The following SYN3 variants were observed in gnomAD, a reference collection of about 807,000 sequenced individuals.
SYN3 encodes synapsin-3.
Under a neutral mutation model 65.8 loss-of-function variants are expected in SYN3, and 35 were observed. The ratio of observed to expected loss-of-function variants is 0.53; its 90% CI spans 0.41 to 0.70. The LOEUF (loss-of-function observed/expected upper bound fraction) is 0.70. Ranked by LOEUF, SYN3 falls within the 30% of genes least tolerant of loss-of-function variation. SYN3 has a pLI of 0.00. For synonymous variants in SYN3, 270 were observed against 292.9 expected (o/e 0.92, Z 0.80); for missense variants, 680 against 749.0 (o/e 0.91, Z 1.08).
At chr22:32,920,152 G>A (rs901365306) in intron 4 of SYN3, among the ~76,000 whole-genome samples, 3 of 152,320 alleles carry the variant, frequency 2.0e-5, no homozygotes, top group East Asian at 1.9e-4. Flanking sequence ...ATTATCAGCC[G>A]CTGCGGTTTG....
rs374320208 is a variant in SYN3, at chr22:32,671,438, A to G, written c.712-74702T>C. On this transcript the variant is annotated intron_variant, in intron 6 of 13. Coordinates refer to ENST00000358763, the MANE Select transcript of SYN3 (RefSeq NM_003490.4). ...ATACATACTCACACATCCACCTAAAAACACACCCTCCCTCACACACACAGA... is the reference window on the plus strand; with the variant it reads ...ATACATACTCACACATCCACCTAAAGACACACCCTCCCTCACACACACAGA... Among the ~76,000 whole-genome samples the G allele has an allele frequency of 6.8e-4, 103 of 151,536 alleles. No homozygotes were observed. The East Asian group carries it at 0.017, about 25-fold the overall frequency.
intron 7 of SYN3, among the ~76,000 whole-genome samples, chr22:32,588,517 CAG>C (rs1195512712): frequency 6.6e-6 from 1 of 152,134 alleles, no homozygotes; most frequent in Admixed American, 6.5e-5. Flanking sequence ...ATCAACATAA[CAG>C]GGTATATTTG....
chr22:32,591,094 T>C lies in SYN3; in HGVS notation c.774+5580A>G, dbSNP rs1396511386. ...CATACAATTATTACTATGTTCATTT[T>C]ACATGAGAAGAAACTAAAGTGGACG... On this transcript the variant is annotated intron_variant, in intron 7 of 13. Transcript: ENST00000358763. 2.6e-5 allele frequency among the ~76,000 whole-genome samples: 4 copies of C among 152,326 alleles called. No individual in the cohort carries two copies. The East Asian group carries it at 5.8e-4, about 22-fold the overall frequency.
intron 1 of SYN3, among the ~76,000 whole-genome samples, chr22:33,042,755 C>G (rs538313604): frequency 6.6e-6 from 1 of 152,276 alleles, no homozygotes; most frequent in South Asian, 2.1e-4. Flanking sequence ...GGCAGCCAGT[C>G]ATCCTATGTA....
At chr22:33,037,011 C>T (rs558253819) in intron 1 of SYN3, among the ~76,000 whole-genome samples, 7 of 152,120 alleles carry the variant, frequency 4.6e-5, no homozygotes, top group Non-Finnish European at 1.0e-4. Context: ...TCCAATCACC[C>T]CTTTGAGTTA....
chr22:32,954,869 T>C (rs2051399822), intron 3 of SYN3, among the ~76,000 whole-genome samples: 1 of 151,216 alleles, frequency 6.6e-6, no homozygotes, highest in Non-Finnish European at 1.5e-5. Context: ...AATGGAAAAC[T>C]CAAAGTTATA....
At chr22:32,528,046 G>A in intron 11 of SYN3, 41 bp from the exon 12 acceptor site, 1 of 1,443,766 alleles carries the variant, frequency 6.9e-7, no homozygotes, top group East Asian at 2.5e-5. Context: ...TATCACCACA[G>A]CCCTTTACTT....
At position 32,751,011 on chromosome 22, in the gene SYN3, A is replaced by G. The variant is rs74369594; in HGVS notation, c.711+113904T>C. Among the ~76,000 whole-genome samples the G allele has an allele frequency of 7.7e-4, 118 of 152,258 alleles. 1 individual carries two copies. In the East Asian group the frequency reaches 0.019, roughly 24 times the overall value. On this transcript the variant is annotated intron_variant, in intron 6 of 13. Coordinates refer to ENST00000358763, the MANE Select transcript of SYN3 (RefSeq NM_003490.4). ...ATCTGGAGCTGCGGGTTTTCAAACC[A>G]TGACACCAGGTTAGAGCAACAAAGG...
At chr22:32,917,311 G>C (rs1231318053) in intron 4 of SYN3, among the ~76,000 whole-genome samples, 2 of 152,092 alleles carry the variant, frequency 1.3e-5, no homozygotes, top group South Asian at 4.2e-4. Flanking sequence ...TGGAAGGATC[G>C]TGTGATATGA....
chr22:33,033,936 G>A (rs1172265392), intron 1 of SYN3, among the ~76,000 whole-genome samples: 1 of 152,048 alleles, frequency 6.6e-6, no homozygotes, highest in African/African-American at 2.4e-5. Context: ...TATAATCCCA[G>A]CACTTTGGGA....
At chr22:32,808,571 C>A (rs567899842) in intron 6 of SYN3, among the ~76,000 whole-genome samples, 1 of 152,270 alleles carries the variant, frequency 6.6e-6, no homozygotes, top group Admixed American at 6.5e-5. Flanking sequence ...CCAGTGTGGA[C>A]CCTGCCTACC....
intron 6 of SYN3, among the ~76,000 whole-genome samples, chr22:32,757,757 G>T (rs1349427798): frequency 6.6e-6 from 1 of 152,186 alleles, no homozygotes; most frequent in Non-Finnish European, 1.5e-5. Flanking sequence ...ACATCTCTTA[G>T]TATTACCATG....
At chr22:32,627,599 T>C (rs969800093) in intron 6 of SYN3, among the ~76,000 whole-genome samples, 16 of 152,066 alleles carry the variant, frequency 1.1e-4, no homozygotes, top group Admixed American at 2.0e-4. Context: ...CACACATGGA[T>C]GGGCAAGTGC....
chr22:32,559,884 C>T (rs1048780201), intron 7 of SYN3, among the ~76,000 whole-genome samples: 6 of 152,046 alleles, frequency 3.9e-5, no homozygotes, highest in African/African-American at 1.4e-4. Flanking sequence ...TGATCAGCAG[C>T]TTCCTGATTA....
chr22:32,687,678 G>T (rs1254917019), intron 6 of SYN3, among the ~76,000 whole-genome samples: 2 of 152,046 alleles, frequency 1.3e-5, no homozygotes, highest in Non-Finnish European at 2.9e-5. Context: ...AGCTCACCTT[G>T]TATCACTCTC....
chr22:32,833,223 C>T (rs1421667545), intron 6 of SYN3, among the ~76,000 whole-genome samples: 1 of 152,068 alleles, frequency 6.6e-6, no homozygotes, highest in African/African-American at 2.4e-5. Flanking sequence ...GAGTCATTGG[C>T]CCCCAGCAAG....
chr22:32,926,598 A>C (rs1434447189), intron 4 of SYN3, among the ~76,000 whole-genome samples: 1 of 152,180 alleles, frequency 6.6e-6, no homozygotes, highest in African/African-American at 2.4e-5. Flanking sequence ...GCACAGTTGC[A>C]TGGTATATTT....
intron 6 of SYN3, among the ~76,000 whole-genome samples, chr22:32,806,725 A>G (rs2046749888): frequency 6.6e-6 from 1 of 152,200 alleles, no homozygotes; most frequent in Admixed American, 6.5e-5. Flanking sequence ...AATACATTCT[A>G]TGTCCATGTA....
intron 1 of SYN3, among the ~76,000 whole-genome samples, chr22:33,049,235 C>G (rs1299375643): frequency 6.6e-6 from 1 of 152,154 alleles, no homozygotes; most frequent in African/African-American, 2.4e-5. Context: ...AATGTTAGCT[C>G]TAGAAAGGAA....
Sources: allele counts gnomAD v4.1 joint callset (sites outside exome capture counted in the v4.1 genomes callset), GRCh38; gene constraint gnomAD v4.1.1; transcripts MANE v1.5; gene names NCBI Gene and HGNC (gene_info 2026-07-23, HGNC 2026-07-21).